The following ZNF385D variants were observed in gnomAD, a reference collection of about 807,000 sequenced individuals.
ZNF385D encodes zinc finger protein 385D, also known as zinc finger protein 659.
A neutral mutation model predicts 35.8 loss-of-function variants in ZNF385D; 15 were observed. That is an observed-to-expected ratio of 0.42 (90% CI 0.28 to 0.64). ZNF385D has a LOEUF of 0.64. Ranked by LOEUF, ZNF385D falls within the 30% of genes least tolerant of loss-of-function variation. The pLI is 0.23. For synonymous variants in ZNF385D, 212 were observed against 186.8 expected (o/e 1.13, Z -1.10); for missense variants, 474 against 494.6 (o/e 0.96, Z 0.39).
chr3:21,837,887 T>C (rs1038892500), intron 3 of ZNF385D, among the ~76,000 whole-genome samples: 34 of 115,064 alleles, frequency 3.0e-4, no homozygotes, highest in South Asian at 5.7e-4. Flanking sequence ...AAAAAAAAAA[T>C]TGGAGAAATA....
chr3:22,332,985 G>T (rs752257833), intron 2 of ZNF385D, among the ~76,000 whole-genome samples: 1 of 151,536 alleles, frequency 6.6e-6, no homozygotes, highest in Non-Finnish European at 1.5e-5. Context: ...AGTTCTTTCA[G>T]AGAAGGCCTG....
At chr3:21,999,248 T>G (rs2878720) in intron 3 of ZNF385D, among the ~76,000 whole-genome samples, 99,337 of 151,998 alleles carry the variant, frequency 0.65, 33,675 homozygotes, top group African/African-American at 0.81. Flanking sequence ...AGGTTTTCAC[T>G]GACAAACATA....
In ZNF385D at chr3:21,476,937, T is replaced by G. The variant is rs187384968; in HGVS notation, c.439+33924A>C. 3.4e-4 allele frequency among the ~76,000 whole-genome samples: 52 copies of G among 152,268 alleles called. No individual in the cohort carries two copies. In the East Asian group the frequency reaches 5.4e-3, roughly 16 times the overall value. ...GTGTTTTCATCACTGGAGGAGTCCG[T>G]GAGAATGTTCTGAACCATTCTATGT... On this transcript the variant is annotated intron_variant, in intron 4 of 7. Transcript: ENST00000281523.
chr3:21,842,579 G>C (rs1396621068), intron 3 of ZNF385D, among the ~76,000 whole-genome samples: 1 of 151,940 alleles, frequency 6.6e-6, no homozygotes, highest in Non-Finnish European at 1.5e-5. Flanking sequence ...CCTGTAATTA[G>C]ATCTTTGGGA....
intron 3 of ZNF385D, among the ~76,000 whole-genome samples, chr3:21,989,958 T>TA (rs748065790): frequency 6.6e-6 from 1 of 152,238 alleles, no homozygotes; most frequent in Admixed American, 6.5e-5. Flanking sequence ...GTGTAACATT[T>TA]CCAGCACCCA....
chr3:21,428,930 A>G (rs1234274926), intron 5 of ZNF385D, among the ~76,000 whole-genome samples: 1 of 56,802 alleles, frequency 1.8e-5, no homozygotes, highest in Non-Finnish European at 4.0e-5. Context: ...GCTCCAAGAA[A>G]TCCTTTTTTT....
At chr3:21,682,344 C>G (rs1272668940) in intron 1 of ZNF385D, among the ~76,000 whole-genome samples, 1 of 149,932 alleles carries the variant, frequency 6.7e-6, no homozygotes. Context: ...AAAGGACAGG[C>G]AAGTAAGAGT....
chr3:21,774,669 T>G (rs991692255), intron 3 of ZNF385D, among the ~76,000 whole-genome samples: 1 of 151,768 alleles, frequency 6.6e-6, no homozygotes, highest in African/African-American at 2.4e-5. Context: ...AGAGATTTTG[T>G]TGACTAGATA....
chr3:21,682,684 C>A (rs1272630854), intron 1 of ZNF385D, among the ~76,000 whole-genome samples: 4 of 149,808 alleles, frequency 2.7e-5, no homozygotes, highest in Non-Finnish European at 4.5e-5. Context: ...CTGGATGAAA[C>A]CTTAGCAATC....
chr3:21,922,695 A>T (rs1300594672), intron 3 of ZNF385D, among the ~76,000 whole-genome samples: 1 of 152,150 alleles, frequency 6.6e-6, no homozygotes, highest in Non-Finnish European at 1.5e-5. Flanking sequence ...CGAGAAGAAA[A>T]CCTAGGAAAC....
rs1019808266 is a variant in ZNF385D, at chr3:21,667,779, A to G, written c.23-2751T>C. Reference sequence around the variant, plus strand: ...TTTTTTATCTAGCACAATGAGAGATATAAATAATAAAAATATGTCCATTCA... The same window carrying G: ...TTTTTTATCTAGCACAATGAGAGATGTAAATAATAAAAATATGTCCATTCA... On this transcript the variant is annotated intron_variant, in intron 1 of 7. Coordinates refer to ENST00000281523, the MANE Select transcript of ZNF385D (RefSeq NM_024697.3). Among the ~76,000 whole-genome samples the G allele has an allele frequency of 4.6e-5, 7 of 152,332 alleles. No homozygotes were observed. The East Asian group carries it at 1.2e-3, about 25-fold the overall frequency.
chr3:21,896,807 T>C (rs1452406236), intron 3 of ZNF385D, among the ~76,000 whole-genome samples: 3 of 146,700 alleles, frequency 2.0e-5, no homozygotes, highest in South Asian at 2.2e-4. Context: ...ATTTCTCCAA[T>C]GTGTTCTTAA....
At chr3:21,609,563 T>C (rs1394369523) in intron 2 of ZNF385D, among the ~76,000 whole-genome samples, 3 of 152,188 alleles carry the variant, frequency 2.0e-5, no homozygotes, top group Admixed American at 2.0e-4. Flanking sequence ...CTTCCCATCA[T>C]CTTTCTAAGA....
At chr3:22,323,037 G>T (rs1694514750) in intron 2 of ZNF385D, among the ~76,000 whole-genome samples, 1 of 152,054 alleles carries the variant, frequency 6.6e-6, no homozygotes, top group South Asian at 2.1e-4. Flanking sequence ...TAGAAAGCAG[G>T]CAATCTCAAC....
At chr3:21,970,534 G>C (rs976838612) in intron 3 of ZNF385D, among the ~76,000 whole-genome samples, 24 of 151,884 alleles carry the variant, frequency 1.6e-4, no homozygotes, top group Non-Finnish European at 2.9e-4. Flanking sequence ...GAATGAAAAA[G>C]AATGAAGCAT....
At chr3:22,345,550 T>C (rs1187309180) in intron 2 of ZNF385D, among the ~76,000 whole-genome samples, 1 of 152,206 alleles carries the variant, frequency 6.6e-6, no homozygotes, top group Non-Finnish European at 1.5e-5. Context: ...TCCCCTGCTA[T>C]CATGGAGTTT....
chr3:22,214,996 C>T (rs12490214), intron 2 of ZNF385D, among the ~76,000 whole-genome samples: 28,559 of 151,752 alleles, frequency 0.19, 2,947 homozygotes, highest in African/African-American at 0.25. Context: ...CGGAACCTGC[C>T]GACATGTGAT....
intron 3 of ZNF385D, among the ~76,000 whole-genome samples, chr3:22,106,994 TTATC>T (rs1327903484): frequency 6.6e-6 from 1 of 150,570 alleles, no homozygotes; most frequent in Non-Finnish European, 1.5e-5. Context: ...TTTAGCCAAC[TTATC>T]TATTTATGCA....
At chr3:22,269,536 G>A (rs1701067242) in intron 2 of ZNF385D, among the ~76,000 whole-genome samples, 1 of 151,942 alleles carries the variant, frequency 6.6e-6, no homozygotes, top group African/African-American at 2.4e-5. Context: ...AGAGGTCACA[G>A]AATTAGAAAC....
Sources: gnomAD v4.1 joint callset for allele counts (sites outside exome capture counted in the v4.1 genomes callset) on GRCh38, gnomAD v4.1.1 for gene constraint, MANE v1.5 for transcripts, NCBI Gene and HGNC (gene_info 2026-07-23, HGNC 2026-07-21) for gene names.